Variants in JMJD1C observed in about 807,000 individuals in gnomAD.
JMJD1C encodes the protein jumonji domain-containing protein 1C.
JMJD1C carries 31 observed loss-of-function variants against 245.3 expected under a neutral mutation model. That is an observed-to-expected ratio of 0.13 (90% CI 0.09 to 0.17). The LOEUF (loss-of-function observed/expected upper bound fraction) is 0.17, where lower values mean the gene tolerates loss of function less well. Among genes scored for constraint, JMJD1C ranks in the 10% least tolerant of loss-of-function variants. JMJD1C has a pLI of 1.00. For missense variants in JMJD1C, 2,691 were observed against 3,000.2 expected (o/e 0.90, Z 2.41); for synonymous variants, 1,057 against 1,017.4 (o/e 1.04, Z -0.74).
At chr10:63,361,470 T>A (rs576988294) in intron 2 of JMJD1C, among the ~76,000 whole-genome samples, 2 of 152,270 alleles carry the variant, frequency 1.3e-5, no homozygotes, top group South Asian at 4.1e-4. Flanking sequence ...GATACTTGTA[T>A]ACCTAGAACT....
In JMJD1C at chr10:63,521,548, G is replaced by A. The variant is rs1471186830; in HGVS notation, n.113+190C>T. 6 of 1,429,428 alleles carry A rather than the reference G, an allele frequency of 4.2e-6. No homozygotes were observed. The Admixed American group carries it at 1.2e-4, about 29-fold the overall frequency. 88.5% of individuals were successfully genotyped at this position (1,429,428 alleles called of 1,614,324 possible). On this transcript the variant is annotated intron_variant and non_coding_transcript_variant, in intron 1 of 3. Coordinates refer to the JMJD1C transcript ENST00000633035. ...GTGGGGCCCAAGCCCCCGTGAAGAT[G>A]GTGTCCTGGATGATCTCCAGAGCCG...
At chr10:63,220,774 G>T (rs755750263) in intron 3 of JMJD1C, among the ~76,000 whole-genome samples, 1 of 152,150 alleles carries the variant, frequency 6.6e-6, no homozygotes, top group Non-Finnish European at 1.5e-5. Context: ...TAGCTGAGAA[G>T]AATAACAAAC....
At chr10:63,496,366 A>G (rs1954367599) in intron 1 of JMJD1C, among the ~76,000 whole-genome samples, 1 of 152,114 alleles carries the variant, frequency 6.6e-6, no homozygotes, top group Non-Finnish European at 1.5e-5. Context: ...TAAAAAGAGA[A>G]AAAAAAATAA....
intron 24 of JMJD1C, among the ~76,000 whole-genome samples, chr10:63,173,715 C>T (rs1434741617): frequency 6.6e-6 from 1 of 150,776 alleles, no homozygotes; most frequent in Non-Finnish European, 1.5e-5. Flanking sequence ...GAGCAAGATA[C>T]TGTCTTTTAA....
At chr10:63,352,059 A>C (rs2134294507) in intron 2 of JMJD1C, among the ~76,000 whole-genome samples, 1 of 152,314 alleles carries the variant, frequency 6.6e-6, no homozygotes, top group South Asian at 2.1e-4. Flanking sequence ...AAAAAAATAT[A>C]CACAAGGAAA....
At chr10:63,337,384 G>C (rs776812241) in intron 2 of JMJD1C, among the ~76,000 whole-genome samples, 1 of 142,046 alleles carries the variant, frequency 7.0e-6, no homozygotes, top group African/African-American at 2.6e-5. Flanking sequence ...AAACCTTGCA[G>C]TGAGCCGAGG....
intron 24 of JMJD1C, among the ~76,000 whole-genome samples, chr10:63,170,927 T>A (rs1164598256): frequency 6.6e-6 from 1 of 152,214 alleles, no homozygotes; most frequent in Non-Finnish European, 1.5e-5. Flanking sequence ...GCATCAGTTA[T>A]AATTATAAAT....
At chr10:63,314,956 G>GA (rs1554884186) in intron 2 of JMJD1C, among the ~76,000 whole-genome samples, 130 of 133,464 alleles carry the variant, frequency 9.7e-4, no homozygotes, top group Non-Finnish European at 1.2e-3. Flanking sequence ...AGCCTTTTTT[G>GA]TTTTTTTTTT....
At chr10:63,443,472 C>T (rs1480595355) in intron 1 of JMJD1C, among the ~76,000 whole-genome samples, 6 of 151,876 alleles carry the variant, frequency 4.0e-5, no homozygotes, top group Admixed American at 1.3e-4. Flanking sequence ...CACCGCACCC[C>T]GCTAATTTTT....
intron 1 of JMJD1C, among the ~76,000 whole-genome samples, chr10:63,392,738 C>A (rs1948151695): frequency 6.8e-6 from 1 of 147,970 alleles, no homozygotes; most frequent in Non-Finnish European, 1.5e-5. Context: ...AGCAAGAGAA[C>A]TGCTTGAACA....
intron 2 of JMJD1C, among the ~76,000 whole-genome samples, chr10:63,281,166 G>T (rs1032432164): frequency 7.4e-6 from 1 of 135,460 alleles, no homozygotes; most frequent in African/African-American, 2.9e-5. Flanking sequence ...AGTCTCGCTC[G>T]CTCTGTCGCC....
At chr10:63,499,767 CTTTAT>C (rs1954482964) in intron 1 of JMJD1C, among the ~76,000 whole-genome samples, 2 of 152,282 alleles carry the variant, frequency 1.3e-5, no homozygotes, top group South Asian at 4.1e-4. Flanking sequence ...AATGTCTGAA[CTTTAT>C]TTTATGCAAA....
chr10:63,258,615 A>G (rs1589308197), intron 3 of JMJD1C, among the ~76,000 whole-genome samples: 1 of 152,142 alleles, frequency 6.6e-6, no homozygotes, highest in African/African-American at 2.4e-5. Flanking sequence ...TACCACCGCC[A>G]CCACCAACCA....
intron 2 of JMJD1C, among the ~76,000 whole-genome samples, chr10:63,357,329 A>G (rs1229783452): frequency 2.0e-5 from 3 of 151,084 alleles, no homozygotes; most frequent in Admixed American, 6.6e-5. Flanking sequence ...TATTTGAGAC[A>G]GAGTCTCGCT....
chr10:63,294,740 TGC>T (rs1321848705), intron 2 of JMJD1C, among the ~76,000 whole-genome samples: 1 of 152,244 alleles, frequency 6.6e-6, no homozygotes. Flanking sequence ...TTGTTATTTA[TGC>T]ATGTATCTGT....
intron 3 of JMJD1C, among the ~76,000 whole-genome samples, chr10:63,221,948 C>T (rs532133156): frequency 3.9e-4 from 59 of 152,288 alleles, no homozygotes; most frequent in African/African-American, 1.4e-3. Flanking sequence ...TCTCAAACTC[C>T]TGACCTCAGG....
At chr10:63,507,657 A>AAAAAAAAAAAAAAAAAC (rs1187173031) in intron 1 of JMJD1C, among the ~76,000 whole-genome samples, 6 of 150,054 alleles carry the variant, frequency 4.0e-5, no homozygotes, top group African/African-American at 1.5e-4. Flanking sequence ...AAAAAAAAAA[A>AAAAAAAAAAAAAAAAAC]AAAAAACAGT....
chr10:63,342,799 TG>T (rs35912772), intron 2 of JMJD1C, among the ~76,000 whole-genome samples: 1 of 152,228 alleles, frequency 6.6e-6, no homozygotes, highest in Non-Finnish European at 1.5e-5. Context: ...ACTGTCCACA[TG>T]GGTGGCTGCA....
chr10:63,382,866 C>T (rs758040660), intron 1 of JMJD1C: 3 of 455,986 alleles, frequency 6.6e-6, no homozygotes, highest in Non-Finnish European at 1.3e-5. Flanking sequence ...TCAAGTTCTT[C>T]CATGATGTTT....
Sources: allele counts gnomAD v4.1 joint callset (sites outside exome capture counted in the v4.1 genomes callset), GRCh38; gene constraint gnomAD v4.1.1; transcripts MANE v1.5; gene names NCBI Gene and HGNC (gene_info 2026-07-23, HGNC 2026-07-21).